Variants in RAPGEF4 observed in about 807,000 individuals in gnomAD.
RAPGEF4 encodes Rap guanine nucleotide exchange factor 4, also known as RAP guanine-nucleotide-exchange factor (GEF) 4.
RAPGEF4 carries 66 observed loss-of-function variants against 147.9 expected under a neutral mutation model. That is an observed-to-expected ratio of 0.45 (90% CI 0.37 to 0.55). The LOEUF (loss-of-function observed/expected upper bound fraction) is 0.55. Among genes scored for constraint, RAPGEF4 ranks in the 20% least tolerant of loss-of-function variants. RAPGEF4 has a pLI of 0.00. For missense variants in RAPGEF4, 1,071 were observed against 1,257.3 expected (o/e 0.85, Z 2.24); for synonymous variants, 419 against 442.7 (o/e 0.95, Z 0.67).
At chr2:173,033,014 C>CT (rs1284420600) in intron 26 of RAPGEF4, among the ~76,000 whole-genome samples, 1 of 152,166 alleles carries the variant, frequency 6.6e-6, no homozygotes, top group African/African-American at 2.4e-5. Flanking sequence ...AAAGGTTCAG[C>CT]TTTACTGAAG....
At chr2:172,815,179 C>A (rs1369976970) in intron 4 of RAPGEF4, among the ~76,000 whole-genome samples, 1 of 152,226 alleles carries the variant, frequency 6.6e-6, no homozygotes, top group Non-Finnish European at 1.5e-5. Context: ...CTCAGTATGT[C>A]CAAGTGTTAA....
At chr2:172,906,360 G>A (rs536846442) in intron 4 of RAPGEF4, among the ~76,000 whole-genome samples, 2 of 152,268 alleles carry the variant, frequency 1.3e-5, no homozygotes, top group East Asian at 1.9e-4. Flanking sequence ...AATCCTGGAC[G>A]CTGCCTCTCC....
intron 6 of RAPGEF4, among the ~76,000 whole-genome samples, chr2:172,926,954 T>A (rs1195209763): frequency 6.6e-6 from 1 of 152,208 alleles, no homozygotes; most frequent in African/African-American, 2.4e-5. Flanking sequence ...GCTTTCTCGC[T>A]ATAAATCACC....
chr2:173,014,669 C>T (rs1695344090), intron 18 of RAPGEF4, 55 bp downstream of exon 18: 1 of 1,549,862 alleles, frequency 6.5e-7, no homozygotes, highest in Non-Finnish European at 8.8e-7. Context: ...ATACAGGGAC[C>T]TACTTATAGG....
At chr2:172,860,394 G>C (rs1165679610) in intron 4 of RAPGEF4, 2 of 872,028 alleles carry the variant, frequency 2.3e-6, no homozygotes, top group African/African-American at 3.6e-5. Context: ...GAAGCCTCAA[G>C]CATGTTTATT....
intron 1 of RAPGEF4, among the ~76,000 whole-genome samples, chr2:172,742,198 A>G (rs1034123696): frequency 6.6e-6 from 1 of 152,246 alleles, no homozygotes; most frequent in African/African-American, 2.4e-5. Flanking sequence ...GTTCTCTAAT[A>G]TAATCAATTA....
At position 172,833,226 on chromosome 2, in the gene RAPGEF4, A is replaced by T. The variant is rs535327715; in HGVS notation, c.444+18801A>T. Among the ~76,000 whole-genome samples the T allele has an allele frequency of 5.9e-5, 9 of 151,474 alleles. 1 individual carries two copies. In the South Asian group the frequency reaches 1.9e-3, roughly 32 times the overall value. Reference sequence around the variant, plus strand: ...CTCAGAAAAAAAAAAAAAATCCAAAAAAGGTATGGCACTGAACATGTACAG... The same window carrying T: ...CTCAGAAAAAAAAAAAAAATCCAAATAAGGTATGGCACTGAACATGTACAG... On this transcript the variant is annotated intron_variant, in intron 4 of 30. Transcript: ENST00000397081.
chr2:172,773,650 C>CA (rs1388798300), intron 1 of RAPGEF4, among the ~76,000 whole-genome samples: 1 of 151,982 alleles, frequency 6.6e-6, no homozygotes, highest in African/African-American at 2.4e-5. Context: ...CACTGCCCCC[C>CA]CCGCGGACCA....
intron 1 of RAPGEF4, 90 bp downstream of exon 1, chr2:172,736,138 C>G (rs1189491807): frequency 1.8e-6 from 2 of 1,084,472 alleles, no homozygotes; most frequent in African/African-American, 3.4e-5. Flanking sequence ...GGGCGCAGCG[C>G]GGCCGGGCTG....
chr2:173,036,620 C>T lies in RAPGEF4; in HGVS notation c.2789-8C>T, dbSNP rs564541809. On this transcript the variant is annotated splice_region_variant and splice_polypyrimidine_tract_variant and intron_variant, in intron 28 of 30. Coordinates refer to ENST00000397081, the MANE Select transcript of RAPGEF4 (RefSeq NM_007023.4). ...AGTGATTAGAATGTGGCTTTTATTTCTTTACAGATATGACATTTACTCATG... is the reference window on the plus strand; with the variant it reads ...AGTGATTAGAATGTGGCTTTTATTTTTTTACAGATATGACATTTACTCATG... The T allele has an allele frequency of 1.9e-6, 3 of 1,595,246 alleles. No individual in the cohort carries two copies. The East Asian group carries it at 6.7e-5, about 36-fold the overall frequency.
chr2:173,048,251 T>C, intron 29 of RAPGEF4: 1 of 222,486 alleles, frequency 4.5e-6, no homozygotes, highest in Non-Finnish European at 8.6e-6. Context: ...CTAGGATAGT[T>C]ACAGATTCTC....
intron 4 of RAPGEF4, chr2:172,894,298 G>A (rs1698245287): frequency 6.6e-6 from 1 of 152,232 alleles, no homozygotes. Context: ...TTCATTAACA[G>A]CTTCATCATG....
chr2:172,773,197 TAGA>T (rs1683805654), intron 1 of RAPGEF4, among the ~76,000 whole-genome samples: 1 of 152,210 alleles, frequency 6.6e-6, no homozygotes, highest in Non-Finnish European at 1.5e-5. Context: ...TTATTAATAA[TAGA>T]AGGAGTTAGT....
At chr2:172,894,279 CT>C in intron 4 of RAPGEF4, 1 of 152,340 alleles carries the variant, frequency 6.6e-6, no homozygotes, top group Non-Finnish European at 1.5e-5. Flanking sequence ...CTGCTTAGGA[CT>C]TTTTCAGTTC....
chr2:172,843,361 C>T (rs188360434), intron 4 of RAPGEF4, among the ~76,000 whole-genome samples: 44 of 152,226 alleles, frequency 2.9e-4, no homozygotes, highest in Non-Finnish European at 4.0e-4. Context: ...CAGAATTTGC[C>T]GGGGGCAAGT....
At chr2:173,005,520 G>GTTTTTTT (rs573596077) in intron 17 of RAPGEF4, among the ~76,000 whole-genome samples, 887 of 86,688 alleles carry the variant, frequency 0.01, 51 homozygotes, top group Middle Eastern at 0.024. Flanking sequence ...GTTGTTTTGT[G>GTTTTTTT]TTTTTTTTTT....
At chr2:172,920,763 A>T (rs1213043953) in intron 5 of RAPGEF4, among the ~76,000 whole-genome samples, 2 of 152,160 alleles carry the variant, frequency 1.3e-5, no homozygotes, top group Non-Finnish European at 2.9e-5. Flanking sequence ...AGCTTCTGTT[A>T]TATCCCATAA....
intron 1 of RAPGEF4, among the ~76,000 whole-genome samples, chr2:172,738,984 A>T (rs1266339081): frequency 6.6e-6 from 1 of 152,244 alleles, no homozygotes; most frequent in Non-Finnish European, 1.5e-5. Context: ...ACAGGACAAT[A>T]TTTGCAAGTG....
chr2:173,005,431 T>C (rs982005585), intron 17 of RAPGEF4, among the ~76,000 whole-genome samples: 6 of 152,120 alleles, frequency 3.9e-5, no homozygotes, highest in Admixed American at 6.6e-5. Flanking sequence ...ATTTTCACAT[T>C]ATTTACTTTA....
Sources: allele counts gnomAD v4.1 joint callset (sites outside exome capture counted in the v4.1 genomes callset), GRCh38; gene constraint gnomAD v4.1.1; transcripts MANE v1.5; gene names NCBI Gene and HGNC (gene_info 2026-07-23, HGNC 2026-07-21).